The following TTLL5 variants were observed in gnomAD, a reference collection of about 807,000 sequenced individuals.
TTLL5 encodes the protein tubulin polyglutamylase TTLL5.
In TTLL5, 132 loss-of-function variants were observed where a neutral mutation model predicts 168.4. The observed-to-expected ratio is 0.78, with a 90% CI of 0.68 to 0.91. The LOEUF is 0.91. Ranked by LOEUF, TTLL5 falls within the 40% of genes least tolerant of loss-of-function variation. The probability of loss-of-function intolerance (pLI) is 0.00; values close to 1 mark genes in which losing one functional copy is unlikely to be tolerated. For missense variants in TTLL5, 1,545 were observed against 1,581.5 expected (o/e 0.98, Z 0.39); for synonymous variants, 546 against 558.6 (o/e 0.98, Z 0.32).
intron 18 of TTLL5, among the ~76,000 whole-genome samples, chr14:75,760,348 AT>A (rs1890554799): frequency 1.3e-5 from 2 of 152,122 alleles, no homozygotes; most frequent in Non-Finnish European, 2.9e-5. Context: ...GAAGACCTAA[AT>A]AAATGGAGAG....
chr14:75,771,973 G>A lies in TTLL5; in HGVS notation c.2136+119G>A, dbSNP rs866372541. On this transcript the variant is annotated intron_variant, in intron 21 of 31. Transcript: ENST00000298832. ...ATTTTTCTGGTGAAAGGATTATTAT[G>A]TAAGAAGGTTTTTAGATTTCTTATA... 32 of 1,152,346 alleles carry A rather than the reference G, an allele frequency of 2.8e-5. No individual in the cohort carries two copies. In the South Asian group the frequency reaches 5.2e-4, roughly 19 times the overall value. 71.4% of individuals were successfully genotyped at this position (1,152,346 alleles called of 1,614,324 possible).
intron 28 of TTLL5, chr14:75,820,563 T>A (rs1046781008): frequency 3.8e-5 from 6 of 156,900 alleles, no homozygotes; most frequent in African/African-American, 1.4e-4. Context: ...TAGACTCTGT[T>A]CTTTTGAAGG....
intron 3 of TTLL5, among the ~76,000 whole-genome samples, chr14:75,677,867 A>T (rs955161391): frequency 3.3e-5 from 5 of 151,868 alleles, no homozygotes; most frequent in African/African-American, 1.2e-4. Flanking sequence ...GCTGGTCTCA[A>T]GCAGCCCTCC....
rs779740894 is a variant in TTLL5 at position 75,764,718 on chromosome 14, C to T, written c.1654C>T (p.Arg552Ter). Residue 552 changes from arginine to a stop codon, truncating the protein, a stop_gained, in exon 19 of 32, where the codon CGA becomes TGA. Transcript: ENST00000298832. LOFTEE classifies it high-confidence loss of function. ...YERKLLSLEV[R>*]KRRRRSSRLR... is the part of the protein sequence containing the mutation. ...GAGGAAGCTCCTGTCTCTGGAGGTG[C>T]GAAAACGTAGACGACGGAGTAGCAG... 3.3e-5 allele frequency: 54 copies of T among 1,613,992 alleles called. No homozygotes were observed. Among genetic ancestry groups the T allele is most frequent in the Non-Finnish European group, 4.1e-5 (48 of 1,180,010 alleles).
intron 2 of TTLL5, among the ~76,000 whole-genome samples, chr14:75,665,491 T>C (rs1450469977): frequency 6.6e-6 from 1 of 152,218 alleles, no homozygotes; most frequent in Non-Finnish European, 1.5e-5. Flanking sequence ...AGCATTTAGA[T>C]AGAAAGACCA....
intron 27 of TTLL5, among the ~76,000 whole-genome samples, chr14:75,818,171 C>G (rs945005455): frequency 1.3e-5 from 2 of 151,800 alleles, no homozygotes; most frequent in African/African-American, 4.8e-5. Context: ...CTACCACTGC[C>G]CAGGTTTTAA....
intron 31 of TTLL5, chr14:75,906,611 T>C: frequency 1.0e-6 from 1 of 985,924 alleles, no homozygotes; most frequent in Non-Finnish European, 1.2e-6. Flanking sequence ...GCCCACACAA[T>C]CTGAAGCCCT....
At chr14:75,769,934 T>A (rs1012666832) in intron 20 of TTLL5, among the ~76,000 whole-genome samples, 2 of 151,972 alleles carry the variant, frequency 1.3e-5, no homozygotes, top group Non-Finnish European at 2.9e-5. Context: ...ATCCCAGCAC[T>A]TTGGGAGGCT....
intron 9 of TTLL5, chr14:75,710,397 TATACACACACACAC>T (rs1886984534): frequency 1.2e-5 from 1 of 81,364 alleles, no homozygotes; most frequent in Non-Finnish European, 2.5e-5. Flanking sequence ...CAAAAAAATT[TATACACACACACAC>T]ACACACACAC....
chr14:75,755,019 C>T (rs1448409087), intron 18 of TTLL5, among the ~76,000 whole-genome samples: 4 of 152,120 alleles, frequency 2.6e-5, no homozygotes, highest in Non-Finnish European at 5.9e-5. Context: ...AATCCCAGCA[C>T]TTTGGGAGGC....
At chr14:75,844,966 T>C (rs1462057662) in intron 28 of TTLL5, among the ~76,000 whole-genome samples, 2 of 152,220 alleles carry the variant, frequency 1.3e-5, no homozygotes, top group African/African-American at 2.4e-5. Flanking sequence ...ACTCCTGCCA[T>C]TTAGCCACAT....
chr14:75,889,153 G>GT (rs2032267334), intron 30 of TTLL5, among the ~76,000 whole-genome samples: 1 of 152,188 alleles, frequency 6.6e-6, no homozygotes. Flanking sequence ...TGAGAACTAC[G>GT]TAAGTGAAAA....
At chr14:75,919,736 G>T (rs2033757322) in intron 31 of TTLL5, among the ~76,000 whole-genome samples, 1 of 152,110 alleles carries the variant, frequency 6.6e-6, no homozygotes, top group South Asian at 2.1e-4. Flanking sequence ...TCTTAGCTGT[G>T]ATACCAAAAA....
chr14:75,735,288 A>T lies in TTLL5; in HGVS notation c.1280A>T (p.Gln427Leu). Residue 427 changes from glutamine to leucine, a missense_variant and splice_region_variant, in exon 15 of 32, where the codon CAG becomes CTG. Physicochemically the swap from Gln to Leu is moderately radical, Grantham distance 113 (BLOSUM62 -2). Transcript: ENST00000298832. ...SSRRNPFQKP[Q>L]RCRPLSASDA... ...AGGCGAAACCCTTTCCAGAAACCTC[A>T]GGTAAGCCAATTCCACAGCAGGGAG... 2 of 1,613,658 alleles carry T rather than the reference A, an allele frequency of 1.2e-6. No individual in the cohort carries two copies. Among genetic ancestry groups the T allele is most frequent in the South Asian group, 2.2e-5 (2 of 91,074 alleles).
intron 28 of TTLL5, among the ~76,000 whole-genome samples, chr14:75,857,771 C>T (rs1465217736): frequency 6.6e-6 from 1 of 151,956 alleles, no homozygotes; most frequent in Non-Finnish European, 1.5e-5. Flanking sequence ...CCTGCCTCAG[C>T]CTCCTGAGTA....
intron 7 of TTLL5, among the ~76,000 whole-genome samples, chr14:75,701,742 TGA>T (rs1286123862): frequency 6.6e-6 from 1 of 152,214 alleles, no homozygotes; most frequent in African/African-American, 2.4e-5. Context: ...GTTAATTATC[TGA>T]TTCTAATTCC....
At chr14:75,856,862 T>G (rs188687056) in intron 28 of TTLL5, among the ~76,000 whole-genome samples, 2 of 152,146 alleles carry the variant, frequency 1.3e-5, no homozygotes, top group Non-Finnish European at 2.9e-5. Flanking sequence ...CCTAACTTTG[T>G]GATCTGCCCA....
chr14:75,807,766 G>A (rs535248531), intron 27 of TTLL5, among the ~76,000 whole-genome samples: 7 of 152,280 alleles, frequency 4.6e-5, no homozygotes, highest in African/African-American at 1.2e-4. Context: ...CTCATTAGAC[G>A]AAAGTGACCG....
intron 9 of TTLL5, among the ~76,000 whole-genome samples, chr14:75,713,202 T>C (rs1178624067): frequency 2.0e-5 from 3 of 152,230 alleles, no homozygotes; most frequent in African/African-American, 7.2e-5. Context: ...TCCCATAAGA[T>C]TGTAATGGAG....
Sources: allele counts gnomAD v4.1 joint callset (sites outside exome capture counted in the v4.1 genomes callset), GRCh38; gene constraint gnomAD v4.1.1; transcripts MANE v1.5; gene names NCBI Gene and HGNC (gene_info 2026-07-23, HGNC 2026-07-21).